The following MFF variants were observed in gnomAD, a reference collection of about 807,000 sequenced individuals.
MFF encodes the protein mitochondrial fission factor, also known as chromosome 2 open reading frame 33.
MFF carries 12 observed loss-of-function variants against 36.9 expected under a neutral mutation model. The ratio of observed to expected loss-of-function variants is 0.33; its 90% confidence interval spans 0.21 to 0.53. MFF has a LOEUF of 0.53. Among genes scored for constraint, MFF ranks in the 20% least tolerant of loss-of-function variants. The pLI is 0.95. For missense variants in MFF, 348 were observed against 366.6 expected (o/e 0.95, Z 0.42); for synonymous variants, 99 against 126.2 (o/e 0.78, Z 1.44).
At chr2:227,342,845 G>C (rs772077425) in intron 5 of MFF, 1 of 1,590,478 alleles carries the variant, frequency 6.3e-7, no homozygotes, top group Non-Finnish European at 8.6e-7. Flanking sequence ...CTCTGCTTTT[G>C]ACAAGTAGTT....
intron 3 of MFF, among the ~76,000 whole-genome samples, chr2:227,331,063 A>G (rs981725101): frequency 1.3e-5 from 2 of 152,198 alleles, no homozygotes; most frequent in South Asian, 4.1e-4. Flanking sequence ...AAATGTATAC[A>G]TTTTTAAGTG....
intron 6 of MFF, 106 bp from the exon 7 acceptor site, chr2:227,352,408 A>C: frequency 3.6e-6 from 3 of 822,742 alleles, no homozygotes; most frequent in Non-Finnish European, 6.2e-6. Flanking sequence ...TGAAATATAC[A>C]ATATAATCCT....
chr2:227,330,332 G>A lies in MFF; in HGVS notation c.-40-294G>A, dbSNP rs10193765. On this transcript the variant is annotated intron_variant, in intron 2 of 8. Coordinates refer to ENST00000304593, the MANE Select transcript of MFF (RefSeq NM_001277062.2). ...AGTTACAAGCAGCATGCATGTTTAC[G>A]CAGAGAGTATGTGTGTATGTGTGTG... The A allele has an allele frequency of 0.017, 4,381 of 254,896 alleles. 195 individuals carry two copies. Among genetic ancestry groups the A allele is most frequent in the African/African-American group, 0.092 (3,966 of 43,082 alleles). 15.8% of individuals were successfully genotyped at this position (254,896 alleles called of 1,614,324 possible). A position where few individuals can be genotyped will look rare whatever the true frequency, so the allele number is the denominator to read the frequency against.
intron 5 of MFF, chr2:227,346,198 T>C (rs753055128): frequency 4.2e-5 from 7 of 167,066 alleles, no homozygotes; most frequent in Non-Finnish European, 1.0e-4. Flanking sequence ...TTTCAATTGT[T>C]TACCATCTGC....
chr2:227,352,860 C>A (rs1423015262), intron 7 of MFF, among the ~76,000 whole-genome samples: 1 of 152,100 alleles, frequency 6.6e-6, no homozygotes, highest in Non-Finnish European at 1.5e-5. Context: ...AATTTACATG[C>A]TAAAACAGAA....
intron 2 of MFF, chr2:227,330,336 AGAGTATGTGT>A (rs2074479823): frequency 1.5e-5 from 4 of 269,110 alleles, no homozygotes; most frequent in East Asian, 7.2e-5. Context: ...GTTTACGCAG[AGAGTATGTGT>A]GTATGTGTGT....
chr2:227,347,527 T>C, intron 6 of MFF, 143 bp downstream of exon 6: 1 of 673,644 alleles, frequency 1.5e-6, no homozygotes. Context: ...TGCTTTACTT[T>C]CTTTTAATTT....
At chr2:227,349,940 T>C (rs543739024) in intron 6 of MFF, among the ~76,000 whole-genome samples, 4 of 152,138 alleles carry the variant, frequency 2.6e-5, no homozygotes, top group Non-Finnish European at 5.9e-5. Context: ...ACTAGAACTA[T>C]TTGGCAGAAA....
At chr2:227,325,595 G>GA (rs2074037811) in intron 1 of MFF, 168 bp downstream of exon 1, 1 of 152,344 alleles carries the variant, frequency 6.6e-6, no homozygotes, top group Non-Finnish European at 1.5e-5. Context: ...CTTCAACCCT[G>GA]GTCTTTCCTC....
intron 2 of MFF, chr2:227,329,715 G>A (rs768312486): frequency 3.4e-6 from 5 of 1,450,764 alleles, no homozygotes; most frequent in African/African-American, 2.7e-5. Context: ...TATTTTAATA[G>A]CTATTATAGA....
Position 227,355,721 on chromosome 2 carries a change from A to T in MFF, c.704A>T (p.Asp235Val), listed in dbSNP as rs2076223076. 6.2e-7 allele frequency: 1 copy of T among 1,612,236 alleles called. No individual in the cohort carries two copies. The highest frequency in any genetic ancestry group is 1.3e-5 in the African/African-American group (1 of 74,896). ...GATACAACCATTGAAGGAACGTCAG[A>T]TGACCTGACTGTTGTAGATGCAGCT... The part of the protein sequence containing the change: ...NIDTTIEGTS[D>V]DLTVVDAASL... The change falls in exon 8 of 9, where the codon GAT becomes GTT. Residue 235 changes from aspartate (D) to valine (V), a missense_variant. Transcript: ENST00000304593.
chr2:227,345,069 T>C (rs1478556240), intron 5 of MFF, among the ~76,000 whole-genome samples: 1 of 152,214 alleles, frequency 6.6e-6, no homozygotes, highest in East Asian at 1.9e-4. Context: ...TCCAACCTTC[T>C]GCATTCCATC....
At chr2:227,338,369 CAAA>C (rs373093427) in intron 4 of MFF, among the ~76,000 whole-genome samples, 2 of 114,842 alleles carry the variant, frequency 1.7e-5, no homozygotes, top group Non-Finnish European at 3.6e-5. Context: ...CACTCTGTCT[CAAA>C]AAAAAAAAAA....
At chr2:227,353,616 C>A (rs574818413) in intron 7 of MFF, among the ~76,000 whole-genome samples, 3 of 152,166 alleles carry the variant, frequency 2.0e-5, no homozygotes, top group South Asian at 4.1e-4. Context: ...TATTTTCAGC[C>A]AGTGGTCTAA....
chr2:227,356,118 C>T (rs1299366127), intron 8 of MFF, among the ~76,000 whole-genome samples: 1 of 152,312 alleles, frequency 6.6e-6, no homozygotes, highest in African/African-American at 2.4e-5. Flanking sequence ...GCAGCTTGCA[C>T]AGCATCCCTG....
At chr2:227,349,881 A>C (rs1338349471) in intron 6 of MFF, among the ~76,000 whole-genome samples, 1 of 152,130 alleles carries the variant, frequency 6.6e-6, no homozygotes, top group Non-Finnish European at 1.5e-5. Flanking sequence ...TGCTAATGCA[A>C]TACCTTATCT....
At chr2:227,333,770 T>C (rs991757358) in intron 4 of MFF, among the ~76,000 whole-genome samples, 1 of 152,380 alleles carries the variant, frequency 6.6e-6, no homozygotes, top group East Asian at 1.9e-4. Flanking sequence ...GAATTATACC[T>C]GTGAAAATAA....
intron 5 of MFF, among the ~76,000 whole-genome samples, chr2:227,345,270 A>T (rs539926492): frequency 4.7e-4 from 72 of 152,310 alleles, no homozygotes; most frequent in African/African-American, 1.7e-3. Flanking sequence ...TTAATTTTTA[A>T]TGGGCCAACA....
Position 227,333,016 on chromosome 2 carries a change from C to T in MFF, c.351+428C>T, listed in dbSNP as rs542233969. Among the ~76,000 whole-genome samples, 9 of 152,350 alleles carry T rather than the reference C, an allele frequency of 5.9e-5. 1 individual carries two copies. The South Asian group carries it at 1.9e-3, about 32-fold the overall frequency. Reference sequence around the variant, plus strand: ...GATTAAAAGTTTCTACTGAGCTACTCTACTGCATCACGTTAATGTGCCAGT... The same window carrying T: ...GATTAAAAGTTTCTACTGAGCTACTTTACTGCATCACGTTAATGTGCCAGT... On this transcript the variant is annotated intron_variant, in intron 4 of 8. Coordinates refer to ENST00000304593, the MANE Select transcript of MFF (RefSeq NM_001277062.2).
Sources: gnomAD v4.1 joint callset for allele counts (sites outside exome capture counted in the v4.1 genomes callset) on GRCh38, gnomAD v4.1.1 for gene constraint, MANE v1.5 for transcripts, NCBI Gene and HGNC (gene_info 2026-07-23, HGNC 2026-07-21) for gene names.